DNA2: variants seen among roughly 807,000 people sequenced by gnomAD.
The protein encoded by DNA2 is DNA replication helicase/nuclease 2.
A neutral mutation model predicts 119.1 loss-of-function variants in DNA2; 101 were observed. The ratio of observed to expected loss-of-function variants is 0.85; its 90% CI spans 0.72 to 1.00. The LOEUF is 1.00. Among genes scored for constraint, DNA2 ranks in the 50% least tolerant of loss-of-function variants. The pLI, the probability that DNA2 is intolerant of heterozygous loss-of-function variation, is 0.00. For synonymous variants in DNA2, 366 were observed against 424.4 expected (o/e 0.86, Z 1.69); for missense variants, 1,121 against 1,255.5 (o/e 0.89, Z 1.62).
At chr10:68,420,699 ATTTT>A (rs71009059) in intron 17 of DNA2, among the ~76,000 whole-genome samples, 1 of 139,832 alleles carries the variant, frequency 7.2e-6, no homozygotes, top group Non-Finnish European at 1.6e-5. Context: ...AGCAATCTTG[ATTTT>A]TTTTTTTTTT....
At chr10:68,444,483 G>A (rs778283982) in intron 8 of DNA2, among the ~76,000 whole-genome samples, 33 of 152,026 alleles carry the variant, frequency 2.2e-4, no homozygotes, top group Admixed American at 3.9e-4. Flanking sequence ...CCAACACTTC[G>A]GGAGACTGAG....
Position 68,414,766 on chromosome 10 carries a change from A to G in DNA2, c.*273T>C, listed in dbSNP as rs936779773. On this transcript the variant is annotated 3_prime_UTR_variant, in exon 21 of 21. Coordinates refer to ENST00000358410, the MANE Select transcript of DNA2 (RefSeq NM_001080449.3). ...CTTACAATGATATCTACAAAATCAA[A>G]TTAGTCCTGAAATGTCTGACTTAAA... 3.1e-6 allele frequency: 1 copy of G among 324,014 alleles called. No individual in the cohort carries two copies. The highest frequency in any genetic ancestry group is 5.1e-5 in the East Asian group (1 of 19,670). The allele number at this position is 324,014 out of a possible 1,614,324, so 20.1% of individuals were successfully genotyped here.
intron 3 of DNA2, among the ~76,000 whole-genome samples, chr10:68,467,397 C>G (rs898555822): frequency 4.0e-5 from 6 of 151,820 alleles, no homozygotes; most frequent in Admixed American, 2.0e-4. Flanking sequence ...GCGTAAGCCA[C>G]TGCGCCCAGC....
chr10:68,449,909 G>A, intron 6 of DNA2, 119 bp downstream of exon 6: 2 of 689,518 alleles, frequency 2.9e-6, no homozygotes, highest in Non-Finnish European at 4.8e-6. Flanking sequence ...AGGAGGCGGA[G>A]CTTTCAGTGA....
intron 17 of DNA2, among the ~76,000 whole-genome samples, chr10:68,420,770 C>T (rs147850921): frequency 2.1e-4 from 32 of 151,476 alleles, no homozygotes; most frequent in Non-Finnish European, 3.1e-4. Flanking sequence ...CAGAGCAAGA[C>T]TCCATCCTAA....
At chr10:68,428,930 G>A (rs2051779174) in intron 14 of DNA2, among the ~76,000 whole-genome samples, 1 of 152,100 alleles carries the variant, frequency 6.6e-6, no homozygotes, top group South Asian at 2.1e-4. Context: ...CTACAGACTT[G>A]CAAGATGTCA....
At chr10:68,448,962 TGTGTGC>T (rs112880216) in intron 6 of DNA2, among the ~76,000 whole-genome samples, 2,233 of 103,994 alleles carry the variant, frequency 0.021, 70 homozygotes, top group East Asian at 0.086. Flanking sequence ...TGTGTGTGTG[TGTGTGC>T]GTGTGTGTGT....
intron 14 of DNA2, chr10:68,424,757 A>G (rs2051714679): frequency 4.1e-6 from 6 of 1,472,362 alleles, no homozygotes; most frequent in African/African-American, 2.8e-5. Flanking sequence ...AAGGTCAGCA[A>G]ATTGGCAAGG....
chr10:68,461,843 A>T (rs1375866131), intron 4 of DNA2, among the ~76,000 whole-genome samples: 2 of 150,788 alleles, frequency 1.3e-5, no homozygotes, highest in Non-Finnish European at 3.0e-5. Context: ...AAAAAAAAAA[A>T]AAAAAAAAAT....
chr10:68,429,915 C>A (rs537138179), intron 14 of DNA2, among the ~76,000 whole-genome samples: 2 of 127,976 alleles, frequency 1.6e-5, no homozygotes, highest in South Asian at 5.1e-4. Context: ...TGGAGTCTTG[C>A]ATTGTCACCT....
At chr10:68,428,941 C>G (rs2051779380) in intron 14 of DNA2, among the ~76,000 whole-genome samples, 2 of 152,068 alleles carry the variant, frequency 1.3e-5, no homozygotes, top group Admixed American at 1.3e-4. Flanking sequence ...CAAGATGTCA[C>G]CACTGGATAA....
At chr10:68,472,115 G>C, upstream of DNA2, 1 of 1,494,672 alleles carries the variant, frequency 6.7e-7, no homozygotes, top group Non-Finnish European at 9.0e-7. Flanking sequence ...AATACAGGGA[G>C]TCTTCATATC....
intron 2 of DNA2, among the ~76,000 whole-genome samples, chr10:68,469,747 G>A (rs1564900006): frequency 6.6e-6 from 1 of 152,080 alleles, no homozygotes; most frequent in Non-Finnish European, 1.5e-5. Flanking sequence ...TTACAGGTGT[G>A]AGCCACCATG....
At position 68,414,500 on chromosome 10, in the gene DNA2, C is replaced by CA. The variant is rs1313884938; in HGVS notation, c.*538dup. On this transcript the variant is annotated 3_prime_UTR_variant, in exon 21 of 21. Transcript: ENST00000358410. Reference sequence around the variant, plus strand: ...ATACTGAAATACTGAATACTGAAAACAAAAAAGGAGGATAGTAAGGGAGGA... The same window carrying CA: ...ATACTGAAATACTGAATACTGAAAACAAAAAAAGGAGGATAGTAAGGGAGGA... 3.3e-5 allele frequency: 5 copies of CA among 151,504 alleles called. No homozygotes were observed. The highest frequency in any genetic ancestry group is 7.4e-5 in the Non-Finnish European group (5 of 67,864). 9.4% of individuals were successfully genotyped at this position (151,504 alleles called of 1,614,324 possible). A position where few individuals can be genotyped will look rare whatever the true frequency, so the allele number is the denominator to read the frequency against.
intron 4 of DNA2, among the ~76,000 whole-genome samples, chr10:68,463,155 A>G (rs2052280623): frequency 6.6e-6 from 1 of 151,282 alleles, no homozygotes; most frequent in Admixed American, 6.6e-5. Flanking sequence ...ATTAAGATGT[A>G]AAGACCTGGC....
chr10:68,455,846 A>G (rs565885947), intron 5 of DNA2, among the ~76,000 whole-genome samples: 2 of 152,088 alleles, frequency 1.3e-5, no homozygotes, highest in East Asian at 1.9e-4. Context: ...CAAACAAACA[A>G]ACAAACAAAA....
chr10:68,462,673 T>G lies in DNA2; in HGVS notation c.587+2994A>C, dbSNP rs537724017. 3.6e-3 allele frequency among the ~76,000 whole-genome samples: 549 copies of G among 152,294 alleles called. 6 individuals are homozygous for G. Among genetic ancestry groups the G allele is most frequent in the Non-Finnish European group, 4.1e-3 (280 of 68,024 alleles). The stretch of plus-strand genomic sequence containing the variant: ...TTGTATATAAAATCACACCTAGGTT[T>G]GAATCCTAACTCTGCACTACCAGAT... On this transcript the variant is annotated intron_variant, in intron 4 of 20. Transcript: ENST00000358410.
intron 4 of DNA2, among the ~76,000 whole-genome samples, chr10:68,464,829 C>CAAAAA (rs71009067): frequency 3.2e-4 from 13 of 40,666 alleles, no homozygotes; most frequent in African/African-American, 1.2e-3. Context: ...AACTCCACCT[C>CAAAAA]AAAAAAAAAA....
At chr10:68,425,405 CTTT>C (rs769692060) in intron 14 of DNA2, among the ~76,000 whole-genome samples, 2 of 123,274 alleles carry the variant, frequency 1.6e-5, no homozygotes, top group Non-Finnish European at 1.8e-5. Flanking sequence ...TGTTTGTGTT[CTTT>C]TTTTTTTTTT....
Sources: allele counts gnomAD v4.1 joint callset (sites outside exome capture counted in the v4.1 genomes callset), GRCh38; gene constraint gnomAD v4.1.1; transcripts MANE v1.5; gene names NCBI Gene and HGNC (gene_info 2026-07-23, HGNC 2026-07-21).